Variants in HTR7 observed in about 807,000 individuals in gnomAD.
The protein encoded by HTR7 is 5-hydroxytryptamine receptor 7.
HTR7 carries 16 observed loss-of-function variants against 34.0 expected under a neutral mutation model. The observed-to-expected ratio is 0.47, with a 90% CI of 0.32 to 0.71. HTR7 has a LOEUF of 0.71. Ranked by LOEUF, HTR7 falls within the 30% of genes least tolerant of loss-of-function variation. HTR7 has a pLI of 0.04. For missense variants in HTR7, 504 were observed against 625.5 expected, an observed-to-expected ratio of 0.81 and a Z score of 2.07; for synonymous variants, 265 against 260.2, an observed-to-expected ratio of 1.02 and a Z score of -0.18.
chr10:90,771,001 G>A (rs1289006819), intron 1 of HTR7, among the ~76,000 whole-genome samples: 2 of 152,302 alleles, frequency 1.3e-5, no homozygotes, highest in African/African-American at 4.8e-5. Flanking sequence ...AAAAGCCCCA[G>A]GCTCAGCCAG....
At chr10:90,840,659 CATA>C (rs1846315879) in intron 1 of HTR7, among the ~76,000 whole-genome samples, 1 of 152,156 alleles carries the variant, frequency 6.6e-6, no homozygotes, top group East Asian at 1.9e-4. Flanking sequence ...ACTAGAGAAG[CATA>C]ATATTAACAC....
intron 1 of HTR7, among the ~76,000 whole-genome samples, chr10:90,853,322 A>C (rs897292526): frequency 8.5e-6 from 1 of 118,004 alleles, no homozygotes; most frequent in African/African-American, 3.4e-5. Flanking sequence ...GCCTCACTCT[A>C]TTGCCCAGGC....
chr10:90,790,537 G>T (rs943363705), intron 1 of HTR7, among the ~76,000 whole-genome samples: 1 of 152,052 alleles, frequency 6.6e-6, no homozygotes, highest in Non-Finnish European at 1.5e-5. Flanking sequence ...TCTGCCAAAC[G>T]GTGACAAATT....
At chr10:90,817,716 C>T (rs1845918211) in intron 1 of HTR7, among the ~76,000 whole-genome samples, 2 of 152,194 alleles carry the variant, frequency 1.3e-5, no homozygotes, top group African/African-American at 4.8e-5. Flanking sequence ...TGATTTGAGA[C>T]TTGTGCCTTA....
intron 1 of HTR7, among the ~76,000 whole-genome samples, chr10:90,824,702 G>A (rs1295881844): frequency 6.6e-6 from 1 of 152,192 alleles, no homozygotes; most frequent in Non-Finnish European, 1.5e-5. Flanking sequence ...AAAAGCTCCT[G>A]GGCCTTAAGT....
intron 1 of HTR7, among the ~76,000 whole-genome samples, chr10:90,758,920 G>C (rs1273355719): frequency 6.6e-6 from 1 of 152,198 alleles, no homozygotes; most frequent in African/African-American, 2.4e-5. Flanking sequence ...GGGCGTGGTG[G>C]CTCATGCCTG....
rs1472333277 is a variant in HTR7, at chr10:90,777,354, G to A, written c.540-27760C>T. 4.6e-5 allele frequency among the ~76,000 whole-genome samples: 7 copies of A among 152,018 alleles called. No individual in the cohort carries two copies. In the South Asian group the frequency reaches 1.0e-3, roughly 23 times the overall value. On this transcript the variant is annotated intron_variant, in intron 1 of 3. Transcript: ENST00000336152. The stretch of plus-strand genomic sequence containing the variant: ...AAATTAGCTGGGTGTGGTGGTGGGC[G>A]CCTGTAATCCCAGCTACTAAGGATG...
chr10:90,749,691 A>G lies in HTR7; in HGVS notation c.540-97T>C. ...CCAGGTACCAGCGCCAGTCCTCGCA[A>G]CAGCCCTTCTAGGTAGGCATCATTA... On this transcript the variant is annotated intron_variant, in intron 1 of 3. Coordinates refer to ENST00000336152, the MANE Select transcript of HTR7 (RefSeq NM_019859.4). This position sits in a 1 kb window ranked among gnomAD's most constrained non-coding sequence, Gnocchi z 4.2. 1.8e-6 allele frequency: 2 copies of G among 1,140,738 alleles called. No homozygotes were observed. The highest frequency in any genetic ancestry group is 2.4e-5 in the East Asian group (1 of 42,318). The allele number at this position is 1,140,738 out of a possible 1,614,324, so 70.7% of individuals were successfully genotyped here.
chr10:90,801,345 C>T (rs938450912), intron 1 of HTR7, among the ~76,000 whole-genome samples: 1 of 152,170 alleles, frequency 6.6e-6, no homozygotes, highest in Non-Finnish European at 1.5e-5. Context: ...ACCAACTCTT[C>T]CTCCCAGCCA....
chr10:90,791,479 AAGATTC>A (rs946189298), intron 1 of HTR7, among the ~76,000 whole-genome samples: 1 of 152,058 alleles, frequency 6.6e-6, no homozygotes, highest in Non-Finnish European at 1.5e-5. Flanking sequence ...AGACCACAGA[AAGATTC>A]AGAGGTAGGA....
rs12762898 is a variant in HTR7, at chr10:90,857,708, C to T, written c.-37G>A. Reference sequence around the variant, plus strand: ...GTGCCGCTGCCCATGGAGCCGGCGCCCCGGCCACGCGCCTCCGGCTGCCGG... The same window carrying T: ...GTGCCGCTGCCCATGGAGCCGGCGCTCCGGCCACGCGCCTCCGGCTGCCGG... On this transcript the variant is annotated 5_prime_UTR_variant, in exon 1 of 4. Coordinates refer to ENST00000336152, the MANE Select transcript of HTR7 (RefSeq NM_019859.4). This position sits in a 1 kb window ranked among gnomAD's most constrained non-coding sequence, Gnocchi z 6.5. 7 of 1,450,556 alleles carry T rather than the reference C, an allele frequency of 4.8e-6. No individual in the cohort carries two copies. Among genetic ancestry groups the T allele is most frequent in the Non-Finnish European group, 6.3e-6 (7 of 1,115,176 alleles). 89.9% of individuals were successfully genotyped at this position (1,450,556 alleles called of 1,614,324 possible). A position where few individuals can be genotyped will look rare whatever the true frequency, so the allele number is the denominator to read the frequency against.
intron 1 of HTR7, among the ~76,000 whole-genome samples, chr10:90,808,350 A>G (rs1314206806): frequency 6.7e-6 from 1 of 148,540 alleles, no homozygotes; most frequent in African/African-American, 2.5e-5. Flanking sequence ...CCTTCTCTCC[A>G]TGTCTCTACC....
At chr10:90,805,520 T>C (rs1845691615) in intron 1 of HTR7, among the ~76,000 whole-genome samples, 2 of 152,362 alleles carry the variant, frequency 1.3e-5, no homozygotes, top group South Asian at 4.1e-4. Flanking sequence ...TGCCTTTGTT[T>C]TGTTCTAAGT....
At chr10:90,831,477 T>C (rs1169095056) in intron 1 of HTR7, among the ~76,000 whole-genome samples, 2 of 152,148 alleles carry the variant, frequency 1.3e-5, no homozygotes, top group African/African-American at 4.8e-5. Flanking sequence ...GTGTTACAGC[T>C]CATAAAAGCA....
chr10:90,810,609 T>G (rs1845790678), intron 1 of HTR7, among the ~76,000 whole-genome samples: 1 of 152,182 alleles, frequency 6.6e-6, no homozygotes. Flanking sequence ...CCCATGGTGC[T>G]GAACCCATAT....
At chr10:90,853,297 T>C (rs1846528521) in intron 1 of HTR7, among the ~76,000 whole-genome samples, 1 of 150,032 alleles carries the variant, frequency 6.7e-6, no homozygotes, top group Non-Finnish European at 1.5e-5. Context: ...CTTTTTTTTT[T>C]TTTTTTAAGA....
intron 1 of HTR7, among the ~76,000 whole-genome samples, chr10:90,784,544 C>A (rs1845353394): frequency 6.6e-6 from 1 of 152,178 alleles, no homozygotes; most frequent in South Asian, 2.1e-4. Flanking sequence ...AAAACAAATT[C>A]TACTACTATC....
chr10:90,763,842 C>A (rs1162567500), intron 1 of HTR7, among the ~76,000 whole-genome samples: 2 of 152,184 alleles, frequency 1.3e-5, no homozygotes, highest in African/African-American at 2.4e-5. Flanking sequence ...ATATGTACCA[C>A]GTTTTCTTTA....
chr10:90,822,708 A>G (rs1846004027), intron 1 of HTR7, among the ~76,000 whole-genome samples: 1 of 152,238 alleles, frequency 6.6e-6, no homozygotes, highest in Non-Finnish European at 1.5e-5. Flanking sequence ...AGACTTTAAC[A>G]GCAGCCCCTC....
Sources: allele counts gnomAD v4.1 joint callset (sites outside exome capture counted in the v4.1 genomes callset), GRCh38; gene constraint gnomAD v4.1.1; non-coding constraint Gnocchi (gnomAD v3.1); transcripts MANE v1.5; gene names NCBI Gene and HGNC (gene_info 2026-07-23, HGNC 2026-07-21).